The following RFK variants were observed in gnomAD, a reference collection of about 807,000 sequenced individuals.
RFK encodes riboflavin kinase.
In RFK, 4 loss-of-function variants were observed where a neutral mutation model predicts 17.6. The observed-to-expected ratio is 0.23, with a 90% confidence interval of 0.11 to 0.52. The LOEUF is 0.52. RFK is among the 20% of genes least tolerant of loss of function. The pLI is 0.96. For synonymous variants in RFK, 59 were observed against 63.8 expected (o/e 0.92, Z 0.36); for missense variants, 189 against 187.7 (o/e 1.01, Z -0.04).
chr9:76,387,305 G>T lies in RFK; in HGVS notation c.*94C>A. The T allele has an allele frequency of 8.5e-7, 1 of 1,170,224 alleles. No homozygotes were observed. Among genetic ancestry groups the T allele is most frequent in the Non-Finnish European group, 1.2e-6 (1 of 822,080 alleles). The allele number at this position is 1,170,224 out of a possible 1,614,324, so 72.5% of individuals were successfully genotyped here. On this transcript the variant is annotated 3_prime_UTR_variant, in exon 4 of 4. Transcript: ENST00000376736. ...AACTAATTCACAACTGTAGTAAAGT[G>T]TTTGATTTTCAGTATATAACCAAGA...
chr9:76,389,209 T>G (rs532387527), intron 2 of RFK, among the ~76,000 whole-genome samples: 6 of 152,234 alleles, frequency 3.9e-5, no homozygotes, highest in South Asian at 4.2e-4. Flanking sequence ...AGAAAGTGCC[T>G]CAGAATCTAG....
In RFK at chr9:76,388,447, T is replaced by C. The variant is rs1243593652; in HGVS notation, c.337+107A>G. ...ACTTAAAACGGTGCCTGGCATATATTAAATGCTCAAATATTATCTGTCCTG... is the reference window on the plus strand; with the variant it reads ...ACTTAAAACGGTGCCTGGCATATATCAAATGCTCAAATATTATCTGTCCTG... On this transcript the variant is annotated intron_variant, in intron 3 of 3. Coordinates refer to ENST00000376736, the MANE Select transcript of RFK (RefSeq NM_018339.6). 8.1e-6 allele frequency: 6 copies of C among 739,952 alleles called. No homozygotes were observed. The African/African-American group carries it at 8.7e-5, about 11-fold the overall frequency. 45.8% of individuals were successfully genotyped at this position (739,952 alleles called of 1,614,324 possible). A position where few individuals can be genotyped will look rare whatever the true frequency, so the allele number is the denominator to read the frequency against.
intron 2 of RFK, among the ~76,000 whole-genome samples, chr9:76,391,362 C>T (rs1298365232): frequency 1.3e-5 from 2 of 152,174 alleles, no homozygotes; most frequent in African/African-American, 2.4e-5. Flanking sequence ...AGATAAAACA[C>T]TGAAGTTGTG....
At position 76,394,416 on chromosome 9, in the gene RFK, C is replaced by G. The variant is rs1427985471; in HGVS notation, c.-245G>C. The G allele has an allele frequency of 4.5e-6, 2 of 441,956 alleles. No individual in the cohort carries two copies. The highest frequency in any genetic ancestry group is 8.0e-6 in the Non-Finnish European group (2 of 250,278). 27.4% of individuals were successfully genotyped at this position (441,956 alleles called of 1,614,324 possible). A position where few individuals can be genotyped will look rare whatever the true frequency, so the allele number is the denominator to read the frequency against. On this transcript the variant is annotated 5_prime_UTR_variant, in exon 1 of 4. Transcript: ENST00000376736. ...CTCCGCTGGAGGGCAGCGGAGACAG[C>G]CGAAGTAAGTGCCGGGTGTGAGCGG... is the stretch of plus-strand genomic sequence containing the variant.
Position 76,386,878 on chromosome 9 carries a change from T to A in RFK, c.*521A>T, listed in dbSNP as rs544605812. The stretch of plus-strand genomic sequence containing the variant: ...CTATTTAATGCATTTCCTTTTTTTT[T>A]ATTTATAGAGATGGAGTCTCGCTAT... On this transcript the variant is annotated 3_prime_UTR_variant, in exon 4 of 4. Coordinates refer to ENST00000376736, the MANE Select transcript of RFK (RefSeq NM_018339.6). 1.3e-5 allele frequency: 2 copies of A among 152,314 alleles called. No individual in the cohort carries two copies. Among genetic ancestry groups the A allele is most frequent in the East Asian group, 3.9e-4 (2 of 5,186 alleles). The allele number at this position is 152,314 out of a possible 1,614,324, so 9.4% of individuals were successfully genotyped here.
chr9:76,392,357 G>GTT (rs1302155543), intron 2 of RFK, 61 bp downstream of exon 2: 1 of 1,544,998 alleles, frequency 6.5e-7, no homozygotes, highest in Non-Finnish European at 8.9e-7. Context: ...AACGAATACT[G>GTT]TAATATATTA....
chr9:76,386,472 G>GA lies in RFK; in HGVS notation c.*926dup. On this transcript the variant is annotated 3_prime_UTR_variant, in exon 4 of 4. Transcript: ENST00000376736. Reference sequence around the variant, plus strand: ...GTAAATGTGTTCACTTAAATCTTGAGAAAACCTAAGGATGAAGTCTGTTGT... The same window carrying GA: ...GTAAATGTGTTCACTTAAATCTTGAGAAAAACCTAAGGATGAAGTCTGTTGT... 6.6e-6 allele frequency: 1 copy of GA among 152,110 alleles called. No homozygotes were observed. Among genetic ancestry groups the GA allele is most frequent in the South Asian group, 2.1e-4 (1 of 4,830 alleles). 9.4% of individuals were successfully genotyped at this position (152,110 alleles called of 1,614,324 possible).
rs762227116 is a variant in RFK, at chr9:76,387,361, C to T, written c.*38G>A. ...CTGAACAGTAATAAACACAGAAACA[C>T]TAGAAAACAGTGAATGAATAAATAA... On this transcript the variant is annotated 3_prime_UTR_variant, in exon 4 of 4. Coordinates refer to ENST00000376736, the MANE Select transcript of RFK (RefSeq NM_018339.6). The T allele has an allele frequency of 2.5e-6, 4 of 1,576,006 alleles. No homozygotes were observed. Among genetic ancestry groups the T allele is most frequent in the Non-Finnish European group, 3.5e-6 (4 of 1,156,812 alleles).
At chr9:76,389,646 A>T (rs528263414) in intron 2 of RFK, among the ~76,000 whole-genome samples, 101 of 152,244 alleles carry the variant, frequency 6.6e-4, no homozygotes, top group African/African-American at 2.1e-3. Flanking sequence ...CTATAGTCCC[A>T]GCTACTCAGG....
chr9:76,388,154 T>C (rs777051777), intron 3 of RFK: 1 of 415,520 alleles, frequency 2.4e-6, no homozygotes, highest in Non-Finnish European at 4.7e-6. Context: ...ATAACAGAGT[T>C]AAAACTATCA....
intron 2 of RFK, among the ~76,000 whole-genome samples, chr9:76,391,746 T>C (rs1822822702): frequency 6.6e-6 from 1 of 152,236 alleles, no homozygotes; most frequent in African/African-American, 2.4e-5. Context: ...ATCTTTGTTA[T>C]TGGGTACCAC....
At chr9:76,392,680 G>A in intron 1 of RFK, 111 bp from the exon 2 acceptor site, 1 of 1,045,060 alleles carries the variant, frequency 9.6e-7, no homozygotes, top group Non-Finnish European at 1.4e-6. Context: ...GCCAAGGCAG[G>A]AGGCTCATGT....
intron 2 of RFK, among the ~76,000 whole-genome samples, chr9:76,390,150 G>C (rs1822798201): frequency 6.6e-6 from 1 of 152,158 alleles, no homozygotes. Flanking sequence ...TCAATGAATA[G>C]GCTGGGTCAA....
rs1822722261 is a variant in RFK at position 76,385,874 on chromosome 9, A to G, written c.*1525T>C. The G allele has an allele frequency of 6.6e-6, 1 of 152,218 alleles. No individual in the cohort carries two copies. Among genetic ancestry groups the G allele is most frequent in the Non-Finnish European group, 1.5e-5 (1 of 68,030 alleles). 9.4% of individuals were successfully genotyped at this position (152,218 alleles called of 1,614,324 possible). A position where few individuals can be genotyped will look rare whatever the true frequency, so the allele number is the denominator to read the frequency against. ...TTTCAAGTATAAGATTTCTAAAATT[A>G]AAAACTGTTTTTGACATATTTTTAT... On this transcript the variant is annotated 3_prime_UTR_variant, in exon 4 of 4. Transcript: ENST00000376736.
intron 2 of RFK, among the ~76,000 whole-genome samples, chr9:76,389,907 T>A (rs1033844631): frequency 6.6e-6 from 1 of 151,990 alleles, no homozygotes; most frequent in African/African-American, 2.4e-5. Flanking sequence ...TCCTAGCAGG[T>A]TTTTTAAAAT....
At chr9:76,393,988 G>A (rs1822855887) in intron 1 of RFK, 102 bp downstream of exon 1, 1 of 1,080,746 alleles carries the variant, frequency 9.3e-7, no homozygotes, top group Non-Finnish European at 1.3e-6. Context: ...CTCTCTGCCC[G>A]CGGTCCGGAG....
At chr9:76,392,263 A>C (rs1822827881) in intron 2 of RFK, among the ~76,000 whole-genome samples, 155 bp downstream of exon 2, 1 of 152,206 alleles carries the variant, frequency 6.6e-6, no homozygotes, top group South Asian at 2.1e-4. Context: ...TAAATGAATT[A>C]AACTCTCCAA....
chr9:76,385,891 T>C lies in RFK; in HGVS notation c.*1508A>G, dbSNP rs941030062. ...CTAAAATTAAAAACTGTTTTTGACA[T>C]ATTTTTATAAAGAAATAAAAAGCAA... On this transcript the variant is annotated 3_prime_UTR_variant, in exon 4 of 4. Transcript: ENST00000376736. The C allele has an allele frequency of 2.0e-5, 3 of 152,240 alleles. No individual in the cohort carries two copies. Among genetic ancestry groups the C allele is most frequent in the African/African-American group, 7.2e-5 (3 of 41,464 alleles). 9.4% of individuals were successfully genotyped at this position (152,240 alleles called of 1,614,324 possible).
intron 2 of RFK, among the ~76,000 whole-genome samples, chr9:76,391,431 G>C (rs1822819459): frequency 6.6e-6 from 1 of 152,204 alleles, no homozygotes; most frequent in Admixed American, 6.5e-5. Flanking sequence ...AAAGGAAAGA[G>C]AAAAGCACCA....
Sources: gnomAD v4.1 joint callset for allele counts (sites outside exome capture counted in the v4.1 genomes callset) on GRCh38, gnomAD v4.1.1 for gene constraint, MANE v1.5 for transcripts, NCBI Gene and HGNC (gene_info 2026-07-23, HGNC 2026-07-21) for gene names.